ALK: variants seen among roughly 807,000 people sequenced by gnomAD.
The protein encoded by ALK is ALK receptor tyrosine kinase.
In ALK, 74 loss-of-function variants were observed where a neutral mutation model predicts 163.1. The ratio of observed to expected loss-of-function variants is 0.45; its 90% CI spans 0.38 to 0.55. ALK has a LOEUF of 0.55. ALK is among the 20% of genes least tolerant of loss of function. The pLI is 0.00. For missense variants in ALK, 2,063 were observed against 2,105.3 expected, an observed-to-expected ratio of 0.98 and a Z score of 0.39; for synonymous variants, 960 against 843.2, an observed-to-expected ratio of 1.14 and a Z score of -2.40.
At chr2:29,769,744 A>G (rs1285708379) in intron 1 of ALK, among the ~76,000 whole-genome samples, 1 of 152,248 alleles carries the variant, frequency 6.6e-6, no homozygotes, top group African/African-American at 2.4e-5. Context: ...ATGTGCATCG[A>G]GATGCTACAG....
In ALK at chr2:29,830,712, T is replaced by TAA. The variant is rs1665344950; in HGVS notation, c.667+89280_667+89281insTT. 3.5e-4 allele frequency among the ~76,000 whole-genome samples: 22 copies of TAA among 63,520 alleles called. 6 individuals carry two copies. The highest frequency in any genetic ancestry group is 5.7e-4 in the Non-Finnish European group (20 of 34,916). 41.7% of individuals were successfully genotyped at this position (63,520 alleles called of 152,430 possible). On this transcript the variant is annotated intron_variant, in intron 1 of 28. Transcript: ENST00000389048. ...AGCAAGACCCTGTCTCTAAAATAGT[T>TAA]TAAAAAAAAAAAAAAAAAAAAAAAA...
At chr2:29,674,565 G>T (rs1333241611) in intron 3 of ALK, among the ~76,000 whole-genome samples, 1 of 150,822 alleles carries the variant, frequency 6.6e-6, no homozygotes. Context: ...TGTGCTGCTG[G>T]ATTCGTTTTG....
chr2:29,709,332 G>A (rs1399942601), intron 2 of ALK, among the ~76,000 whole-genome samples: 1 of 152,158 alleles, frequency 6.6e-6, no homozygotes, highest in Non-Finnish European at 1.5e-5. Context: ...TGGTGGGAAT[G>A]TCCCTGCCCT....
intron 3 of ALK, among the ~76,000 whole-genome samples, chr2:29,532,852 C>A (rs1418481086): frequency 6.6e-6 from 1 of 152,208 alleles, no homozygotes; most frequent in African/African-American, 2.4e-5. Context: ...CCATTAGATG[C>A]TGCTCCTTTT....
chr2:29,245,195 G>A (rs1297429669), intron 12 of ALK, among the ~76,000 whole-genome samples: 5 of 149,912 alleles, frequency 3.3e-5, no homozygotes, highest in Non-Finnish European at 7.4e-5. Flanking sequence ...CACAGTAGGG[G>A]CTTTATGGCT....
In ALK at chr2:29,193,251, C is replaced by G. The variant is rs78174819; in HGVS notation, c.4836G>C (p.Lys1612Asn). 1.9e-5 allele frequency: 30 copies of G among 1,614,136 alleles called. No homozygotes were observed. The South Asian group carries it at 3.1e-4, about 17-fold the overall frequency. The change falls in exon 29 of 29, where the codon AAG becomes AAC. Residue 1612 changes from lysine to asparagine, a missense_variant. Coordinates refer to ENST00000389048, the MANE Select transcript of ALK (RefSeq NM_004304.5). The stretch of plus-strand genomic sequence containing the variant: ...AGGGCCCAGGCTGGTTCATGCTATT[C>G]TTGCTTTTCAGAATGGTATCCTCGT... ...GHYEDTILKS[K>N]NSMNQPGP is the part of the protein sequence containing the mutation.
At chr2:29,822,629 G>A (rs1421372290) in intron 1 of ALK, among the ~76,000 whole-genome samples, 3 of 152,212 alleles carry the variant, frequency 2.0e-5, no homozygotes, top group Non-Finnish European at 2.9e-5. Flanking sequence ...GCCTCAGTGA[G>A]GTTCCTCACT....
intron 12 of ALK, among the ~76,000 whole-genome samples, chr2:29,240,524 A>G (rs951588853): frequency 3.3e-5 from 5 of 152,180 alleles, no homozygotes; most frequent in Admixed American, 2.6e-4. Context: ...GTCTGGAAAC[A>G]AGGAGGTTCC....
At chr2:29,595,319 ATTTTTTT>A (rs10641464) in intron 3 of ALK, among the ~76,000 whole-genome samples, 7 of 123,990 alleles carry the variant, frequency 5.6e-5, no homozygotes, top group African/African-American at 1.3e-4. Context: ...GTCTTACTGG[ATTTTTTT>A]TTTTTTTTTT....
chr2:29,848,500 G>A (rs1665906272), intron 1 of ALK, among the ~76,000 whole-genome samples: 1 of 152,190 alleles, frequency 6.6e-6, no homozygotes, highest in Admixed American at 6.5e-5. Context: ...GAATTCTAAA[G>A]TGTTTCTGCT....
intron 4 of ALK, among the ~76,000 whole-genome samples, chr2:29,465,994 T>C (rs1482457180): frequency 6.6e-6 from 1 of 152,262 alleles, no homozygotes; most frequent in South Asian, 2.1e-4. Flanking sequence ...TCTTATACTA[T>C]ACATAGTCAT....
intron 5 of ALK, among the ~76,000 whole-genome samples, chr2:29,341,800 G>T (rs552358593): frequency 1.3e-5 from 2 of 152,340 alleles, no homozygotes; most frequent in Admixed American, 1.3e-4. Context: ...TTCAGGCAAA[G>T]AAACCTGGAA....
At chr2:29,912,691 A>G (rs905905832) in intron 1 of ALK, among the ~76,000 whole-genome samples, 32 of 151,840 alleles carry the variant, frequency 2.1e-4, no homozygotes, top group African/African-American at 7.5e-4. Flanking sequence ...GCATATATAT[A>G]TATTTTATTT....
chr2:29,912,874 C>G (rs1174558263), intron 1 of ALK, among the ~76,000 whole-genome samples: 1 of 152,064 alleles, frequency 6.6e-6, no homozygotes, highest in Non-Finnish European at 1.5e-5. Flanking sequence ...GAGTCCTTTC[C>G]ATGCTCACCC....
At chr2:29,862,301 G>A (rs981601411) in intron 1 of ALK, among the ~76,000 whole-genome samples, 4 of 152,146 alleles carry the variant, frequency 2.6e-5, no homozygotes, top group Admixed American at 2.6e-4. Context: ...GAAAGGCAAG[G>A]GAAGTGAAAG....
At chr2:29,650,578 A>C (rs1677010226) in intron 3 of ALK, among the ~76,000 whole-genome samples, 1 of 152,068 alleles carries the variant, frequency 6.6e-6, no homozygotes. Context: ...TTAGTTTCTA[A>C]CCTAATCTTA....
chr2:29,311,943 A>T (rs895505090), intron 8 of ALK, among the ~76,000 whole-genome samples: 2 of 152,114 alleles, frequency 1.3e-5, no homozygotes, highest in African/African-American at 4.8e-5. Flanking sequence ...TCCCATGCCC[A>T]TGCTGGCTGG....
In ALK at chr2:29,920,453, C is replaced by T. The variant is rs1553380407; in HGVS notation, c.207G>A (p.Arg69=). 1 of 1,611,494 alleles carries T rather than the reference C, an allele frequency of 6.2e-7. No homozygotes were observed. The highest frequency in any genetic ancestry group is 1.7e-5 in the Admixed American group (1 of 59,864). ...AGGAGGATGGTGGCAGCAGTAGGTC[C>T]CGGGCGTAGACACGGAAGAGCGAGG... ...VVPSLFRVYA[R]DLLLPPSSSE... The change falls in exon 1 of 29, where the codon CGG becomes CGA. Residue 69 remains arginine, a synonymous_variant. Coordinates refer to ENST00000389048, the MANE Select transcript of ALK (RefSeq NM_004304.5).
chr2:29,269,847 A>G (rs1665332842), intron 11 of ALK, among the ~76,000 whole-genome samples: 1 of 152,176 alleles, frequency 6.6e-6, no homozygotes, highest in African/African-American at 2.4e-5. Flanking sequence ...TTCCAAGTGC[A>G]CCAGTGAAGG....
Sources: allele counts gnomAD v4.1 joint callset (sites outside exome capture counted in the v4.1 genomes callset), GRCh38; gene constraint gnomAD v4.1.1; transcripts MANE v1.5; gene names NCBI Gene and HGNC (gene_info 2026-07-23, HGNC 2026-07-21).